BCAS3: variants seen among roughly 807,000 people sequenced by gnomAD.
The protein encoded by BCAS3 is BCAS4/BCAS3 fusion.
BCAS3 carries 53 observed loss-of-function variants against 116.1 expected under a neutral mutation model. That is an observed-to-expected ratio of 0.46 (90% CI 0.37 to 0.57). The LOEUF (loss-of-function observed/expected upper bound fraction) is 0.57. Among genes scored for constraint, BCAS3 ranks in the 20% least tolerant of loss-of-function variants. The pLI is 0.00. For missense variants in BCAS3, 917 were observed against 1,165.4 expected, an observed-to-expected ratio of 0.79 and a Z score of 3.10; for synonymous variants, 391 against 408.2, an observed-to-expected ratio of 0.96 and a Z score of 0.51.
chr17:60,731,509 G>A lies in BCAS3; in HGVS notation c.322-15689G>A, dbSNP rs188645806. ...ATTACAGGCATCCTGGCCTTAATGTGTATATTTAAATGGGTTACGTGAGGT... is the reference window on the plus strand; with the variant it reads ...ATTACAGGCATCCTGGCCTTAATGTATATATTTAAATGGGTTACGTGAGGT... On this transcript the variant is annotated intron_variant, in intron 5 of 23. Transcript: ENST00000407086. Among the ~76,000 whole-genome samples, 14 of 152,222 alleles carry A rather than the reference G, an allele frequency of 9.2e-5. No individual in the cohort carries two copies. The East Asian group carries it at 2.7e-3, about 29-fold the overall frequency.
rs1310461446 is a variant in BCAS3, at chr17:61,217,874, A to G, written c.2425+133310A>G. Reference sequence around the variant, plus strand: ...AAAAGCGTCGGACTTCTCTGTAACAACAGTCTTGGTGGCTGACTTTGTTGC... The same window carrying G: ...AAAAGCGTCGGACTTCTCTGTAACAGCAGTCTTGGTGGCTGACTTTGTTGC... On this transcript the variant is annotated intron_variant, in intron 22 of 23. Coordinates refer to ENST00000407086, the MANE Select transcript of BCAS3 (RefSeq NM_017679.5). This position sits in a 1 kb window ranked among gnomAD's most constrained non-coding sequence, Gnocchi z 5.2. Among the ~76,000 whole-genome samples the G allele has an allele frequency of 6.6e-6, 1 of 152,098 alleles. No individual in the cohort carries two copies. The highest frequency in any genetic ancestry group is 1.5e-5 in the Non-Finnish European group (1 of 67,992).
At chr17:61,335,907 G>T (rs903902242) in intron 22 of BCAS3, among the ~76,000 whole-genome samples, 1 of 152,232 alleles carries the variant, frequency 6.6e-6, no homozygotes, top group African/African-American at 2.4e-5. Context: ...AGAGGGTACC[G>T]CCCAGCCTAG....
intron 18 of BCAS3, among the ~76,000 whole-genome samples, chr17:61,040,113 T>C (rs1319214942): frequency 6.6e-6 from 1 of 152,222 alleles, no homozygotes; most frequent in African/African-American, 2.4e-5. Context: ...TCCTGACATG[T>C]ATGGAAGGAA....
intron 14 of BCAS3, among the ~76,000 whole-genome samples, chr17:60,984,276 G>T (rs2062987533): frequency 6.6e-6 from 1 of 152,106 alleles, no homozygotes; most frequent in Non-Finnish European, 1.5e-5. Flanking sequence ...TTATTTAAAA[G>T]ATTCCAGGCT....
intron 22 of BCAS3, among the ~76,000 whole-genome samples, chr17:61,148,679 G>GAT (rs2077378513): frequency 6.6e-6 from 1 of 152,132 alleles, no homozygotes; most frequent in Non-Finnish European, 1.5e-5. Flanking sequence ...ATCCCTACAA[G>GAT]ATAGGTATAA....
chr17:60,965,417 T>G (rs1338080171), intron 14 of BCAS3, among the ~76,000 whole-genome samples: 1 of 152,022 alleles, frequency 6.6e-6, no homozygotes, highest in Non-Finnish European at 1.5e-5. Flanking sequence ...AGATGGAGTT[T>G]CACCATGTTG....
At chr17:60,708,381 C>T (rs138709926) in intron 4 of BCAS3, among the ~76,000 whole-genome samples, 1 of 150,836 alleles carries the variant, frequency 6.6e-6, no homozygotes, top group South Asian at 2.1e-4. Context: ...TTTTTAGAGC[C>T]AGGGCCTTAC....
At position 61,337,712 on chromosome 17, in the gene BCAS3, G is replaced by A. The variant is rs929820205; in HGVS notation, c.2426-30615G>A. 5.9e-5 allele frequency among the ~76,000 whole-genome samples: 9 copies of A among 151,824 alleles called. No homozygotes were observed. Among genetic ancestry groups the A allele is most frequent in the South Asian group, 2.1e-4 (1 of 4,824 alleles). On this transcript the variant is annotated intron_variant, in intron 22 of 23. Coordinates refer to ENST00000407086, the MANE Select transcript of BCAS3 (RefSeq NM_017679.5). The surrounding 1 kb of genome is among the most constrained non-coding windows in gnomAD (Gnocchi z 4.8). The stretch of plus-strand genomic sequence containing the variant: ...TTTTTGCGCTCACCCCTTAAAGGTC[G>A]TTTCTGATCTACTCCCTCTCCTCTA...
At chr17:60,721,755 AAT>A (rs373170160) in intron 5 of BCAS3, among the ~76,000 whole-genome samples, 2 of 151,262 alleles carry the variant, frequency 1.3e-5, no homozygotes, top group African/African-American at 2.4e-5. Context: ...ACAGACTGAA[AAT>A]ATATATATAT....
At chr17:61,074,290 G>A (rs2071741839) in intron 19 of BCAS3, among the ~76,000 whole-genome samples, 1 of 151,928 alleles carries the variant, frequency 6.6e-6, no homozygotes, top group South Asian at 2.1e-4. Flanking sequence ...GAGTGAGTGA[G>A]TCGTAGCTTC....
At chr17:60,903,694 A>G (rs1252420451) in intron 11 of BCAS3, among the ~76,000 whole-genome samples, 1 of 152,080 alleles carries the variant, frequency 6.6e-6, no homozygotes, top group Non-Finnish European at 1.5e-5. Flanking sequence ...CAGCCTCCCA[A>G]AGTGCTGGGG....
Position 61,105,905 on chromosome 17 carries a change from A to T in BCAS3, c.2425+21341A>T. ...AATATTGTCCAGAAATAAACAATTCATACATGTTCAATTTTGTGCCTTTCT... is the reference window on the plus strand; with the variant it reads ...AATATTGTCCAGAAATAAACAATTCTTACATGTTCAATTTTGTGCCTTTCT... On this transcript the variant is annotated intron_variant, in intron 22 of 23. Coordinates refer to ENST00000407086, the MANE Select transcript of BCAS3 (RefSeq NM_017679.5). This position sits in a 1 kb window ranked among gnomAD's most constrained non-coding sequence, Gnocchi z 4.3. 6.6e-6 allele frequency among the ~76,000 whole-genome samples: 1 copy of T among 152,344 alleles called. No individual in the cohort carries two copies. The highest frequency in any genetic ancestry group is 1.5e-5 in the Non-Finnish European group (1 of 68,030).
chr17:60,692,055 A>C (rs2034901518), intron 4 of BCAS3, among the ~76,000 whole-genome samples: 1 of 151,014 alleles, frequency 6.6e-6, no homozygotes, highest in South Asian at 2.1e-4. Context: ...TCTGTCTCAA[A>C]AAAAAAAAAA....
rs1271394501 is a variant in BCAS3, at chr17:61,368,281, C to T, written c.2426-46C>T. On this transcript the variant is annotated intron_variant, in intron 22 of 23. Transcript: ENST00000407086. The surrounding 1 kb of genome is among the most constrained non-coding windows in gnomAD (Gnocchi z 6.0). ...GGGAGGTAGACAAGAATGGCCTGCTCCCTGAAGGTGTGGACTCAACGTCAG... is the reference window on the plus strand; with the variant it reads ...GGGAGGTAGACAAGAATGGCCTGCTTCCTGAAGGTGTGGACTCAACGTCAG... 1.3e-6 allele frequency: 2 copies of T among 1,544,802 alleles called. No homozygotes were observed. Among genetic ancestry groups the T allele is most frequent in the African/African-American group, 2.7e-5 (2 of 73,822 alleles).
At position 61,245,002 on chromosome 17, in the gene BCAS3, A is replaced by C. The variant is rs543661571; in HGVS notation, c.2426-123325A>C. 2.0e-5 allele frequency among the ~76,000 whole-genome samples: 3 copies of C among 152,330 alleles called. No homozygotes were observed. The South Asian group carries it at 6.2e-4, about 32-fold the overall frequency. On this transcript the variant is annotated intron_variant, in intron 22 of 23. Coordinates refer to ENST00000407086, the MANE Select transcript of BCAS3 (RefSeq NM_017679.5). The stretch of plus-strand genomic sequence containing the variant: ...AATAGACTATAATTTTAGTAAGTGT[A>C]TCAGTCCATTCTCACGCTGCTGTAA...
intron 7 of BCAS3, among the ~76,000 whole-genome samples, chr17:60,834,064 A>T (rs1045199605): frequency 6.6e-6 from 1 of 152,130 alleles, no homozygotes; most frequent in Non-Finnish European, 1.5e-5. Context: ...CAGGAAAGAG[A>T]AATTATACTA....
At chr17:60,936,938 C>T (rs2059963189) in intron 13 of BCAS3, among the ~76,000 whole-genome samples, 2 of 152,226 alleles carry the variant, frequency 1.3e-5, no homozygotes, top group South Asian at 4.1e-4. Context: ...TTTGCCCATG[C>T]CTATGTCCTG....
rs1194225896 is a variant in BCAS3, at chr17:61,021,593, A to G, written c.1637+5692A>G. On this transcript the variant is annotated intron_variant, in intron 16 of 23. Coordinates refer to ENST00000407086, the MANE Select transcript of BCAS3 (RefSeq NM_017679.5). This position sits in a 1 kb window ranked among gnomAD's most constrained non-coding sequence, Gnocchi z 4.6. ...TATAATCTTTTAATCCTTATCATGT[A>G]TGAGTTTCTACCAGTTCTTTGGTCC... Among the ~76,000 whole-genome samples, 2 of 152,186 alleles carry G rather than the reference A, an allele frequency of 1.3e-5. No individual in the cohort carries two copies. Among genetic ancestry groups the G allele is most frequent in the Admixed American group, 1.3e-4 (2 of 15,282 alleles).
intron 12 of BCAS3, among the ~76,000 whole-genome samples, chr17:60,916,061 G>A (rs1415678633): frequency 6.6e-6 from 1 of 152,136 alleles, no homozygotes; most frequent in East Asian, 1.9e-4. Flanking sequence ...ACCCCTTGAA[G>A]GACATTTGCA....
Sources: gnomAD v4.1 joint callset for allele counts (sites outside exome capture counted in the v4.1 genomes callset) on GRCh38, gnomAD v4.1.1 for gene constraint, Gnocchi (gnomAD v3.1) non-coding constraint, MANE v1.5 for transcripts, NCBI Gene and HGNC (gene_info 2026-07-23, HGNC 2026-07-21) for gene names.